LRFN2: variants seen among roughly 807,000 people sequenced by gnomAD.
LRFN2 encodes leucine rich repeat and fibronectin type III domain containing 2.
A neutral mutation model predicts 37.3 loss-of-function variants in LRFN2; 18 were observed. The observed-to-expected ratio is 0.48, with a 90% CI of 0.33 to 0.72. The LOEUF is 0.72. Among genes scored for constraint, LRFN2 ranks in the 30% least tolerant of loss-of-function variants. LRFN2 has a pLI of 0.02. For synonymous variants in LRFN2, 556 were observed against 466.6 expected, an observed-to-expected ratio of 1.19 and a Z score of -2.47; for missense variants, 1,006 against 1,060.7, an observed-to-expected ratio of 0.95 and a Z score of 0.72.
chr6:40,574,443 A>G (rs1767239325), intron 1 of LRFN2, among the ~76,000 whole-genome samples: 1 of 152,090 alleles, frequency 6.6e-6, no homozygotes, highest in Non-Finnish European at 1.5e-5. Flanking sequence ...CTGCTCATCA[A>G]GTAGCAGCTG....
intron 1 of LRFN2, among the ~76,000 whole-genome samples, chr6:40,561,165 C>A (rs962302546): frequency 6.6e-6 from 1 of 152,142 alleles, no homozygotes; most frequent in Non-Finnish European, 1.5e-5. Flanking sequence ...GAAAGGGCAA[C>A]TGAGAGAGGA....
At chr6:40,527,046 A>G (rs548321987) in intron 1 of LRFN2, among the ~76,000 whole-genome samples, 5 of 152,348 alleles carry the variant, frequency 3.3e-5, no homozygotes, top group African/African-American at 1.2e-4. Flanking sequence ...CGTAACTCCA[A>G]TGTGGCTAAG....
rs548352621 is a variant in LRFN2, at chr6:40,440,133, A to G, written c.-18-7002T>C. Reference sequence around the variant, plus strand: ...TCTTTGGTAACACAGACAACAGGAAAAAAAAAAGGCAAAATAATGTCTAAA... The same window carrying G: ...TCTTTGGTAACACAGACAACAGGAAGAAAAAAAGGCAAAATAATGTCTAAA... On this transcript the variant is annotated intron_variant, in intron 1 of 2. Transcript: ENST00000338305. 7.2e-5 allele frequency among the ~76,000 whole-genome samples: 11 copies of G among 152,202 alleles called. No individual in the cohort carries two copies. In the East Asian group the frequency reaches 1.5e-3, roughly 21 times the overall value.
At chr6:40,428,871 CTGAATTGTATATCT>C (rs752301015) in intron 2 of LRFN2, among the ~76,000 whole-genome samples, 4 of 152,154 alleles carry the variant, frequency 2.6e-5, no homozygotes, top group Non-Finnish European at 5.9e-5. Context: ...AAAGAGAAGA[CTGAATTGTATATCT>C]AAACTTCCTC....
At chr6:40,410,868 A>G (rs760965685) in intron 2 of LRFN2, among the ~76,000 whole-genome samples, 18 of 152,160 alleles carry the variant, frequency 1.2e-4, no homozygotes, top group Admixed American at 2.6e-4. Flanking sequence ...GGCCTAGCCT[A>G]GAGGTGCACC....
Position 40,463,668 on chromosome 6 carries a change from C to CTTTTT in LRFN2, c.-18-30538_-18-30537insAAAAA, listed in dbSNP as rs1470775834. On this transcript the variant is annotated intron_variant, in intron 1 of 2. Transcript: ENST00000338305. ...CATACATCATACTATTTCTTTCTTT[C>CTTTTT]TATTTTTTTTTTTTTTTTTTTTTTT... Among the ~76,000 whole-genome samples, 8 of 91,280 alleles carry CTTTTT rather than the reference C, an allele frequency of 8.8e-5. No individual in the cohort carries two copies. The South Asian group carries it at 1.3e-3, about 14-fold the overall frequency. The allele number at this position is 91,280 out of a possible 152,430, so 59.9% of individuals were successfully genotyped here.
intron 2 of LRFN2, among the ~76,000 whole-genome samples, chr6:40,411,058 G>C (rs1396168000): frequency 1.3e-5 from 2 of 152,250 alleles, no homozygotes; most frequent in Non-Finnish European, 2.9e-5. Context: ...TAGTGTGGAA[G>C]TAATCATGTA....
At position 40,392,517 on chromosome 6, in the gene LRFN2, G is replaced by A. The variant is rs779431643; in HGVS notation, c.1796C>T (p.Pro599Leu). The A allele has an allele frequency of 1.8e-5, 29 of 1,589,616 alleles. No individual in the cohort carries two copies. The highest frequency in any genetic ancestry group is 1.7e-4 in the Middle Eastern group (1 of 6,022). Reference sequence around the variant, plus strand: ...CTCGTTGCGCACCACCACCTTCGGCGGGCCCTGCGGCGGGGCCCCGGCTGG... The same window carrying A: ...CTCGTTGCGCACCACCACCTTCGGCAGGCCCTGCGGCGGGGCCCCGGCTGG... ...SAPAGAPPQG[P>L]PKVVVRNELL... Residue 599 changes from proline (P) to leucine (L), a missense_variant, in exon 3 of 3, where the codon CCG becomes CTG. By Grantham distance (98) the Pro-to-Leu change is moderately conservative. Transcript: ENST00000338305. This position sits in a 1 kb window ranked among gnomAD's most constrained non-coding sequence, Gnocchi z 4.7.
At chr6:40,433,406 G>A (rs1561853410) in intron 1 of LRFN2, among the ~76,000 whole-genome samples, 1 of 152,188 alleles carries the variant, frequency 6.6e-6, no homozygotes. Context: ...CAGCTCCAAA[G>A]AGGGCAGGTA....
intron 1 of LRFN2, among the ~76,000 whole-genome samples, chr6:40,463,763 A>G (rs1215350556): frequency 1.4e-5 from 2 of 146,142 alleles, no homozygotes; most frequent in Non-Finnish European, 3.0e-5. Flanking sequence ...TGCAGCCTCA[A>G]CCTCTTGGGC....
chr6:40,397,548 C>T (rs1439572583), intron 2 of LRFN2, among the ~76,000 whole-genome samples: 2 of 152,180 alleles, frequency 1.3e-5, no homozygotes, highest in African/African-American at 4.8e-5. Flanking sequence ...TAGCTGGGCT[C>T]CCAAACCAGG....
intron 1 of LRFN2, among the ~76,000 whole-genome samples, chr6:40,553,929 C>T (rs1277342495): frequency 6.6e-6 from 1 of 152,138 alleles, no homozygotes; most frequent in Non-Finnish European, 1.5e-5. Context: ...GATGTCCTTC[C>T]AGCCATGAAT....
At position 40,577,823 on chromosome 6, in the gene LRFN2, A is replaced by ATT. The variant is rs1581803607; in HGVS notation, c.-19+9117_-19+9118insAA. ...AATAAATAAATAAAAATTAAAAAAA[A>ATT]TAAAAATAAATAAAAATAAAAGATC... On this transcript the variant is annotated intron_variant, in intron 1 of 2. Coordinates refer to ENST00000338305, the MANE Select transcript of LRFN2 (RefSeq NM_020737.3). Among the ~76,000 whole-genome samples, 6 of 95,664 alleles carry ATT rather than the reference A, an allele frequency of 6.3e-5. No homozygotes were observed. In the East Asian group the frequency reaches 1.5e-3, roughly 24 times the overall value. The allele number at this position is 95,664 out of a possible 152,430, so 62.8% of individuals were successfully genotyped here. A position where few individuals can be genotyped will look rare whatever the true frequency, so the allele number is the denominator to read the frequency against.
chr6:40,410,682 A>G (rs1427986941), intron 2 of LRFN2, among the ~76,000 whole-genome samples: 1 of 152,106 alleles, frequency 6.6e-6, no homozygotes, highest in African/African-American at 2.4e-5. Flanking sequence ...TCTTTCTATC[A>G]TCTCTTACAG....
chr6:40,501,875 G>C (rs1028906840), intron 1 of LRFN2: 1 of 152,156 alleles, frequency 6.6e-6, no homozygotes, highest in Admixed American at 6.5e-5. Flanking sequence ...ACAGGGAGCA[G>C]AGAGCCACGC....
At chr6:40,541,072 A>T (rs948158885) in intron 1 of LRFN2, among the ~76,000 whole-genome samples, 1 of 152,146 alleles carries the variant, frequency 6.6e-6, no homozygotes, top group African/African-American at 2.4e-5. Context: ...AGAGCCAGGC[A>T]CAGGTGCAGG....
intron 2 of LRFN2, among the ~76,000 whole-genome samples, chr6:40,417,124 G>A (rs796779098): frequency 5.3e-5 from 8 of 152,208 alleles, no homozygotes; most frequent in African/African-American, 1.4e-4. Context: ...AAGCCTCCCT[G>A]TTCCACTCAG....
chr6:40,555,470 G>A (rs1334340198), intron 1 of LRFN2, among the ~76,000 whole-genome samples: 1 of 152,308 alleles, frequency 6.6e-6, no homozygotes, highest in Non-Finnish European at 1.5e-5. Flanking sequence ...TGGCAGCTAC[G>A]GATGGGCTGT....
intron 1 of LRFN2, among the ~76,000 whole-genome samples, chr6:40,441,347 T>C (rs1763830840): frequency 1.3e-5 from 2 of 152,108 alleles, no homozygotes; most frequent in Admixed American, 1.3e-4. Context: ...GGAAGATCTG[T>C]GCAACAGTGG....
Sources: gnomAD v4.1 joint callset for allele counts (sites outside exome capture counted in the v4.1 genomes callset) on GRCh38, gnomAD v4.1.1 for gene constraint, Gnocchi (gnomAD v3.1) non-coding constraint, MANE v1.5 for transcripts, NCBI Gene and HGNC (gene_info 2026-07-23, HGNC 2026-07-21) for gene names.